Variants in ABI3BP observed in about 807,000 individuals in gnomAD.
The protein encoded by ABI3BP is ABI family member 3 binding protein, also known as target of Nesh-SH3.
In ABI3BP, 216 loss-of-function variants were observed where a neutral mutation model predicts 268.6. The observed-to-expected ratio is 0.80, with a 90% CI of 0.72 to 0.90. The LOEUF (loss-of-function observed/expected upper bound fraction) is 0.90, where lower values mean the gene tolerates loss of function less well. Among genes scored for constraint, ABI3BP ranks in the 40% least tolerant of loss-of-function variants. The probability of loss-of-function intolerance (pLI) is 0.00; values close to 1 mark genes in which losing one functional copy is unlikely to be tolerated. For synonymous variants in ABI3BP, 730 were observed against 730.0 expected (o/e 1.00, Z 0.00); for missense variants, 2,090 against 2,182.4 (o/e 0.96, Z 0.84).
intron 1 of ABI3BP, among the ~76,000 whole-genome samples, chr3:100,958,250 G>C (rs2077514158): frequency 6.6e-6 from 1 of 152,152 alleles, no homozygotes; most frequent in Non-Finnish European, 1.5e-5. Flanking sequence ...TGTGGCTGGT[G>C]CTAAAAACAG....
At chr3:100,890,134 C>A (rs538197814) in intron 4 of ABI3BP, among the ~76,000 whole-genome samples, 6 of 152,164 alleles carry the variant, frequency 3.9e-5, no homozygotes, top group African/African-American at 1.2e-4. Flanking sequence ...TACGAACTAC[C>A]CCAGCTTAAT....
chr3:100,862,447 C>A, intron 13 of ABI3BP, 62 bp from the exon 14 acceptor site: 1 of 1,146,406 alleles, frequency 8.7e-7, no homozygotes, highest in Non-Finnish European at 1.3e-6. Context: ...GAGAACGAGA[C>A]AGAAATAGGT....
intron 56 of ABI3BP, among the ~76,000 whole-genome samples, chr3:100,788,408 C>T (rs945946748): frequency 6.6e-6 from 1 of 152,050 alleles, no homozygotes; most frequent in Admixed American, 6.6e-5. Context: ...AGGAGGAGCA[C>T]TAAGTGTACT....
At chr3:100,974,500 A>G (rs1157032020) in intron 1 of ABI3BP, among the ~76,000 whole-genome samples, 1 of 152,118 alleles carries the variant, frequency 6.6e-6, no homozygotes, top group Non-Finnish European at 1.5e-5. Context: ...AAAACGGACA[A>G]AAAAAGTTAA....
intron 55 of ABI3BP, among the ~76,000 whole-genome samples, chr3:100,790,294 C>T (rs1356529173): frequency 1.3e-5 from 2 of 151,962 alleles, no homozygotes; most frequent in East Asian, 3.9e-4. Context: ...AGCATTCATC[C>T]TGGAATTCAT....
chr3:100,902,708 A>G, intron 2 of ABI3BP, 22 bp from the exon 3 acceptor site: 1 of 1,610,542 alleles, frequency 6.2e-7, no homozygotes, highest in South Asian at 1.1e-5. Context: ...AACATTATTT[A>G]TCAGAAAAAC....
intron 1 of ABI3BP, among the ~76,000 whole-genome samples, chr3:100,960,820 AACTT>A (rs963569083): frequency 7.2e-5 from 11 of 152,208 alleles, no homozygotes; most frequent in Admixed American, 7.2e-4. Context: ...GACCAGGTGA[AACTT>A]ACTTCTGCAA....
intron 21 of ABI3BP, among the ~76,000 whole-genome samples, chr3:100,841,208 T>TG (rs1368866354): frequency 4.1e-4 from 53 of 130,284 alleles, no homozygotes; most frequent in Non-Finnish European, 7.4e-4. Flanking sequence ...TTTTTTTTTT[T>TG]TTTTTTTTTT....
intron 8 of ABI3BP, among the ~76,000 whole-genome samples, chr3:100,875,249 A>G (rs1011420946): frequency 6.6e-6 from 1 of 152,146 alleles, no homozygotes; most frequent in Admixed American, 6.6e-5. Flanking sequence ...AGTTCAGTCA[A>G]CTCTGTGGGG....
At chr3:100,902,491 C>A in intron 3 of ABI3BP, 127 bp downstream of exon 3, 1 of 772,946 alleles carries the variant, frequency 1.3e-6, no homozygotes, top group Non-Finnish European at 2.1e-6. Flanking sequence ...ACTGTGGACC[C>A]AGGGCTGACA....
chr3:100,810,549 G>A (rs1241037503), intron 48 of ABI3BP, 72 bp from the exon 49 acceptor site: 1 of 1,050,860 alleles, frequency 9.5e-7, no homozygotes, highest in Non-Finnish European at 1.4e-6. Flanking sequence ...TAACAGACAG[G>A]ATGGTAACAA....
At chr3:100,795,945 A>AATTAT in intron 52 of ABI3BP, 94 bp from the exon 53 acceptor site, 2 of 856,876 alleles carry the variant, frequency 2.3e-6, no homozygotes, top group Non-Finnish European at 3.1e-6. Context: ...CATTGATTTA[A>AATTAT]TAATTTAAAT....
chr3:100,915,139 C>T (rs1409098793), intron 2 of ABI3BP, among the ~76,000 whole-genome samples: 1 of 152,096 alleles, frequency 6.6e-6, no homozygotes, highest in African/African-American at 2.4e-5. Flanking sequence ...AGACCCTCAG[C>T]CCACTCTCTT....
chr3:100,758,461 G>A (rs2095756803), intron 63 of ABI3BP, among the ~76,000 whole-genome samples: 1 of 152,006 alleles, frequency 6.6e-6, no homozygotes, highest in African/African-American at 2.4e-5. Context: ...CTGTTATTGG[G>A]GAATTTGACA....
chr3:100,870,109 G>A (rs1449985727), intron 9 of ABI3BP, among the ~76,000 whole-genome samples: 1 of 152,112 alleles, frequency 6.6e-6, no homozygotes. Context: ...TTGAGTTGCA[G>A]TGATAATTAA....
At chr3:100,964,303 C>T (rs62275197) in intron 1 of ABI3BP, among the ~76,000 whole-genome samples, 15,700 of 152,126 alleles carry the variant, frequency 0.1, 1,096 homozygotes, top group Non-Finnish European at 0.15. Flanking sequence ...GGTTGGGGGA[C>T]CAGCCTTCTT....
rs113298939 is a variant in ABI3BP at position 100,876,402 on chromosome 3, C to CAA, written c.745+108_745+109dup. On this transcript the variant is annotated intron_variant, in intron 7 of 67. Transcript: ENST00000471714. ...ATTATATTTTCTTTGAACTTTTTCT[C>CAA]AAAAAAAAAATCAATTAAAAAATCG... 3.5e-4 allele frequency: 336 copies of CAA among 949,108 alleles called. No individual in the cohort carries two copies. The African/African-American group carries it at 5.1e-3, about 14-fold the overall frequency. 58.8% of individuals were successfully genotyped at this position (949,108 alleles called of 1,614,324 possible). A position where few individuals can be genotyped will look rare whatever the true frequency, so the allele number is the denominator to read the frequency against.
chr3:100,827,070 T>C (rs1216302239), intron 34 of ABI3BP, among the ~76,000 whole-genome samples: 1 of 152,162 alleles, frequency 6.6e-6, no homozygotes, highest in Non-Finnish European at 1.5e-5. Context: ...AGACCCAAAT[T>C]CTTTCCTGGC....
At chr3:100,784,389 C>T (rs771198361) in intron 57 of ABI3BP, among the ~76,000 whole-genome samples, 8 of 151,970 alleles carry the variant, frequency 5.3e-5, no homozygotes, top group African/African-American at 7.3e-5. Flanking sequence ...GATGAGATGG[C>T]GTGGATGTAG....
Sources: allele counts gnomAD v4.1 joint callset (sites outside exome capture counted in the v4.1 genomes callset), GRCh38; gene constraint gnomAD v4.1.1; transcripts MANE v1.5; gene names NCBI Gene and HGNC (gene_info 2026-07-23, HGNC 2026-07-21).